The following SPMIP11 variants were observed in gnomAD, a reference collection of about 807,000 sequenced individuals.
SPMIP11 encodes long intergenic non-protein coding RNA 935.
the SPMIP11 span, among the ~76,000 whole-genome samples, chr12:48,743,618 G>A: frequency 7.3e-5 from 11 of 151,174 alleles, no homozygotes; most frequent in South Asian, 2.3e-3. Context: ...ACCAGCCTGG[G>A]CAACATGGTG....
At chr12:48,770,735 G>A in the SPMIP11 span, 1 of 1,605,546 alleles carries the variant, frequency 6.2e-7, no homozygotes, top group Non-Finnish European at 8.5e-7. Flanking sequence ...AAAGTCCTGG[G>A]AAAACCCGCC....
At chr12:48,765,042 T>C in the SPMIP11 span, 1 of 676,504 alleles carries the variant, frequency 1.5e-6, no homozygotes, top group Non-Finnish European at 2.7e-6. Context: ...GAAGTACTCC[T>C]TCCCTTCACT....
the SPMIP11 span, among the ~76,000 whole-genome samples, chr12:48,740,873 T>G: frequency 6.6e-6 from 1 of 151,662 alleles, no homozygotes; most frequent in Non-Finnish European, 1.5e-5. Flanking sequence ...GGTGACAGAG[T>G]GAGACTCTAT....
At chr12:48,740,083 G>T in the SPMIP11 span, among the ~76,000 whole-genome samples, 26 of 152,230 alleles carry the variant, frequency 1.7e-4, no homozygotes, top group African/African-American at 5.5e-4. Flanking sequence ...TCATTGTGAT[G>T]ATGATGATGA....
chr12:48,738,350 T>C, the SPMIP11 span, among the ~76,000 whole-genome samples: 87,557 of 151,770 alleles, frequency 0.58, 25,683 homozygotes, highest in East Asian at 0.76. Flanking sequence ...GCAGACAGGA[T>C]GTCAGCAGGG....
the SPMIP11 span, among the ~76,000 whole-genome samples, chr12:48,762,654 C>G: frequency 1.3e-5 from 2 of 152,030 alleles, no homozygotes; most frequent in Non-Finnish European, 2.9e-5. Context: ...GGGCGTGAGC[C>G]ACTGCATCCG....
chr12:48,763,905 T>A, the SPMIP11 span, among the ~76,000 whole-genome samples: 2 of 152,026 alleles, frequency 1.3e-5, no homozygotes, highest in Non-Finnish European at 2.9e-5. Context: ...CTCAAACTTC[T>A]GACCTCAAGT....
chr12:48,738,173 G>C, the SPMIP11 span, among the ~76,000 whole-genome samples: 1 of 151,912 alleles, frequency 6.6e-6, no homozygotes, highest in South Asian at 2.1e-4. Flanking sequence ...TCTTTGGAAG[G>C]CTTCCTTAAT....
At chr12:48,729,707 TA>T in the SPMIP11 span, among the ~76,000 whole-genome samples, 40,989 of 112,400 alleles carry the variant, frequency 0.36, 6,573 homozygotes, top group Middle Eastern at 0.46. Flanking sequence ...AGACTCCGTC[TA>T]AAAAAAAAAA....
chr12:48,753,766 A>T, the SPMIP11 span, among the ~76,000 whole-genome samples: 2 of 147,626 alleles, frequency 1.4e-5, no homozygotes, highest in East Asian at 4.0e-4. Flanking sequence ...CAGTGGCGCA[A>T]TATCGGCTCA....
the SPMIP11 span, among the ~76,000 whole-genome samples, chr12:48,742,277 C>CTTTTTTTTTTTTTTTT: frequency 2.5e-4 from 22 of 87,216 alleles, no homozygotes; most frequent in Admixed American, 2.7e-4. Context: ...CTTTTCTTTT[C>CTTTTTTTTTTTTTTTT]CTTTTTTTTT....
the SPMIP11 span, among the ~76,000 whole-genome samples, chr12:48,762,356 CTTTTTTTTTTTTTTT>C: frequency 3.8e-4 from 23 of 61,232 alleles, no homozygotes; most frequent in Admixed American, 5.1e-4. Flanking sequence ...CCCCGCCCAG[CTTTTTTTTTTTTTTT>C]TTTTTTTTTT....
chr12:48,746,674 G>A, the SPMIP11 span, among the ~76,000 whole-genome samples: 13 of 151,258 alleles, frequency 8.6e-5, no homozygotes, highest in African/African-American at 2.4e-4. Context: ...CTATCCAAGC[G>A]CTTTGGAAGG....
At chr12:48,758,541 G>A in the SPMIP11 span, among the ~76,000 whole-genome samples, 9 of 152,230 alleles carry the variant, frequency 5.9e-5, no homozygotes, top group Non-Finnish European at 1.3e-4. Context: ...CTGAAAGAGA[G>A]GTTGGATAAG....
the SPMIP11 span, among the ~76,000 whole-genome samples, chr12:48,760,991 A>G: frequency 6.6e-6 from 1 of 152,246 alleles, no homozygotes; most frequent in East Asian, 1.9e-4. Flanking sequence ...AACTGGGTTT[A>G]AACTGCAAAC....
the SPMIP11 span, chr12:48,771,287 C>T: frequency 2.1e-6 from 1 of 485,840 alleles, no homozygotes; most frequent in Non-Finnish European, 3.8e-6. This position sits in a 1 kb window ranked among gnomAD's most constrained non-coding sequence, Gnocchi z 4.3. Flanking sequence ...GAGCAAGTGA[C>T]TTCCCTCCAG....
At chr12:48,765,144 C>G in the SPMIP11 span, 1 of 594,378 alleles carries the variant, frequency 1.7e-6, no homozygotes, top group Admixed American at 3.0e-5. Flanking sequence ...GAATTTGGGC[C>G]GTGATGACAT....
chr12:48,729,092 T>C, the SPMIP11 span, among the ~76,000 whole-genome samples: 1 of 152,134 alleles, frequency 6.6e-6, no homozygotes, highest in South Asian at 2.1e-4. Context: ...GATATGACAA[T>C]TGATTTACAT....
the SPMIP11 span, among the ~76,000 whole-genome samples, chr12:48,740,659 A>G: frequency 2.7e-5 from 4 of 150,748 alleles, no homozygotes; most frequent in Admixed American, 6.6e-5. Flanking sequence ...CACCTGGCCA[A>G]CTTTTTTTTT....
Sources: allele counts gnomAD v4.1 joint callset (sites outside exome capture counted in the v4.1 genomes callset), GRCh38; gene constraint gnomAD v4.1.1; non-coding constraint Gnocchi (gnomAD v3.1); transcripts MANE v1.5; gene names NCBI Gene and HGNC (gene_info 2026-07-23, HGNC 2026-07-21).